Variants in NECTIN1 observed in about 807,000 individuals in gnomAD.
NECTIN1 encodes nectin cell adhesion molecule 1, also known as nectin-1.
NECTIN1 carries 23 observed loss-of-function variants against 48.0 expected under a neutral mutation model. That is an observed-to-expected ratio of 0.48 (90% CI 0.34 to 0.68). NECTIN1 has a LOEUF of 0.68. Ranked by LOEUF, NECTIN1 falls within the 30% of genes least tolerant of loss-of-function variation. NECTIN1 has a pLI of 0.01. For missense variants in NECTIN1, 591 were observed against 709.9 expected (o/e 0.83, Z 1.90); for synonymous variants, 270 against 288.9 (o/e 0.93, Z 0.66).
chr11:119,716,020 T>C (rs1449869538), intron 1 of NECTIN1, among the ~76,000 whole-genome samples: 2 of 152,138 alleles, frequency 1.3e-5, no homozygotes, highest in Non-Finnish European at 2.9e-5. Context: ...TCCAGGGCAG[T>C]GGGATTCCTA....
chr11:119,710,904 A>G (rs991356089), intron 1 of NECTIN1, among the ~76,000 whole-genome samples: 1 of 152,230 alleles, frequency 6.6e-6, no homozygotes, highest in African/African-American at 2.4e-5. Context: ...TCACACACAC[A>G]TAACCGCAGA....
chr11:119,717,748 T>A (rs997860015), intron 1 of NECTIN1, among the ~76,000 whole-genome samples: 4 of 152,106 alleles, frequency 2.6e-5, no homozygotes, highest in Non-Finnish European at 5.9e-5. Flanking sequence ...TGGCTAAGCT[T>A]GGGAGCCCGG....
chr11:119,686,691 A>G (rs149041364), intron 1 of NECTIN1, among the ~76,000 whole-genome samples: 8 of 152,260 alleles, frequency 5.3e-5, no homozygotes, highest in African/African-American at 7.2e-5. Flanking sequence ...CGAAAACCGC[A>G]CCACTCCCCC....
Position 119,665,110 on chromosome 11 carries a change from G to T in NECTIN1, c.1191C>A (p.Gly397=), listed in dbSNP as rs536959088. Residue 397 remains glycine (G), a synonymous_variant, in exon 6 of 6, where the codon GGC becomes GGA. Coordinates refer to ENST00000264025, the MANE Select transcript of NECTIN1 (RefSeq NM_002855.5). The surrounding 1 kb of genome is among the most constrained non-coding windows in gnomAD (Gnocchi z 5.1). ...GGATGCCTGCCTTGCTGTAGCCGTT[G>T]CCATACACGTGCTTCTTGGTGCTGT... ...GDYSTKKHVY[G]NGYSKAGIPQ... is the part of the protein sequence containing the mutation. The T allele has an allele frequency of 6.2e-7, 1 of 1,614,036 alleles. No homozygotes were observed. Among genetic ancestry groups the T allele is most frequent in the Non-Finnish European group, 8.5e-7 (1 of 1,180,002 alleles).
chr11:119,656,768 G>A (rs375944399), downstream of NECTIN1, among the ~76,000 whole-genome samples: 37 of 152,290 alleles, frequency 2.4e-4, 2 homozygotes, highest in African/African-American at 7.9e-4. Flanking sequence ...CTCCCCTTCC[G>A]CCTCTCCCCG....
Position 119,729,165 on chromosome 11 carries a change from CAATGTG to C in NECTIN1, c.-618_-613del. The C allele has an allele frequency of 6.6e-6, 1 of 152,040 alleles. No homozygotes were observed. Among genetic ancestry groups the C allele is most frequent in the Non-Finnish European group, 1.5e-5 (1 of 68,014 alleles). The allele number at this position is 152,040 out of a possible 1,614,324, so 9.4% of individuals were successfully genotyped here. A position where few individuals can be genotyped will look rare whatever the true frequency, so the allele number is the denominator to read the frequency against. ...TCTGCCGGGTGCCGGCGATCCGCAA[CAATGTG>C]GAGCCGCGCTCGCTGCTCTCGCTCT... On this transcript the variant is annotated 5_prime_UTR_variant, in exon 1 of 6. Transcript: ENST00000264025.
downstream of NECTIN1, among the ~76,000 whole-genome samples, chr11:119,657,132 G>A (rs767582880): frequency 6.6e-6 from 1 of 152,168 alleles, no homozygotes; most frequent in Non-Finnish European, 1.5e-5. Context: ...AGTGATGGAT[G>A]ACAACAATAA....
chr11:119,663,547 G>T lies in NECTIN1; in HGVS notation c.*1200C>A. Reference sequence around the variant, plus strand: ...CAATGGCCTTTGTGTGTGAGGCATTGTATGGACTCCTCAGTCCCTCGGACT... The same window carrying T: ...CAATGGCCTTTGTGTGTGAGGCATTTTATGGACTCCTCAGTCCCTCGGACT... On this transcript the variant is annotated 3_prime_UTR_variant, in exon 6 of 6. Transcript: ENST00000264025. 5.1e-6 allele frequency: 5 copies of T among 985,540 alleles called. No homozygotes were observed. Among genetic ancestry groups the T allele is most frequent in the Non-Finnish European group, 6.0e-6 (5 of 829,962 alleles). The allele number at this position is 985,540 out of a possible 1,614,324, so 61.0% of individuals were successfully genotyped here. A position where few individuals can be genotyped will look rare whatever the true frequency, so the allele number is the denominator to read the frequency against.
intron 1 of NECTIN1, among the ~76,000 whole-genome samples, chr11:119,696,197 G>T (rs1388998720): frequency 6.6e-6 from 1 of 152,172 alleles, no homozygotes; most frequent in East Asian, 1.9e-4. Context: ...ACCTGCCTCA[G>T]CTTCCCAAAG....
At chr11:119,701,058 G>A (rs1865442942) in intron 1 of NECTIN1, among the ~76,000 whole-genome samples, 2 of 152,176 alleles carry the variant, frequency 1.3e-5, no homozygotes, top group African/African-American at 4.8e-5. Context: ...GTGCTCAGGA[G>A]GGGAGGCTGG....
chr11:119,700,227 C>T (rs1018057549), intron 1 of NECTIN1, among the ~76,000 whole-genome samples: 14 of 152,146 alleles, frequency 9.2e-5, no homozygotes, highest in African/African-American at 3.4e-4. Context: ...GACCTTTGGT[C>T]TGACACCATT....
chr11:119,693,221 G>A (rs570585920), intron 1 of NECTIN1, among the ~76,000 whole-genome samples: 20 of 151,808 alleles, frequency 1.3e-4, no homozygotes, highest in Non-Finnish European at 1.9e-4. Context: ...CGGGGTGTGT[G>A]TCTCTCTCTC....
chr11:119,709,740 G>A lies in NECTIN1; in HGVS notation c.79+18735C>T, dbSNP rs762546780. ...CAGGGAACAGCTTTATTTTAACTCC[G>A]GGTTTGTGGAGAGAGGGCAGGACGA... On this transcript the variant is annotated intron_variant, in intron 1 of 5. Coordinates refer to ENST00000264025, the MANE Select transcript of NECTIN1 (RefSeq NM_002855.5). This position sits in a 1 kb window ranked among gnomAD's most constrained non-coding sequence, Gnocchi z 4.1. 2.0e-5 allele frequency among the ~76,000 whole-genome samples: 3 copies of A among 152,170 alleles called. No individual in the cohort carries two copies. Among genetic ancestry groups the A allele is most frequent in the Admixed American group, 6.5e-5 (1 of 15,288 alleles).
At position 119,665,355 on chromosome 11, in the gene NECTIN1, G is replaced by A; in HGVS notation, c.1004-58C>T. 3.3e-6 allele frequency: 5 copies of A among 1,511,218 alleles called. No homozygotes were observed. Among genetic ancestry groups the A allele is most frequent in the Non-Finnish European group, 4.4e-6 (5 of 1,134,136 alleles). 93.6% of individuals were successfully genotyped at this position (1,511,218 alleles called of 1,614,324 possible). A position where few individuals can be genotyped will look rare whatever the true frequency, so the allele number is the denominator to read the frequency against. On this transcript the variant is annotated intron_variant, in intron 5 of 5. Transcript: ENST00000264025. This position sits in a 1 kb window ranked among gnomAD's most constrained non-coding sequence, Gnocchi z 5.1. Reference sequence around the variant, plus strand: ...TCAGCGTGTGCTCCTGGGGTGTAGAGGGGGTGGGAGGGAGGCAGGGAAAGG... The same window carrying A: ...TCAGCGTGTGCTCCTGGGGTGTAGAAGGGGTGGGAGGGAGGCAGGGAAAGG...
chr11:119,678,421 C>A lies in NECTIN1; in HGVS notation c.424G>T (p.Val142Leu). 2.5e-6 allele frequency: 4 copies of A among 1,614,110 alleles called. No individual in the cohort carries two copies. Among genetic ancestry groups the A allele is most frequent in the Non-Finnish European group, 3.4e-6 (4 of 1,179,948 alleles). Residue 142 changes from valine to leucine, a missense_variant, in exon 2 of 6, where the codon GTG becomes TTG. By Grantham distance (32) the Val-to-Leu change is conservative. Coordinates refer to ENST00000264025, the MANE Select transcript of NECTIN1 (RefSeq NM_002855.5). This position sits in a 1 kb window ranked among gnomAD's most constrained non-coding sequence, Gnocchi z 4.4. ...GNRESQLNLTVMAKPTNWIEG... is the reference protein window; with the variant it reads ...GNRESQLNLTLMAKPTNWIEG... The stretch of plus-strand genomic sequence containing the variant: ...GGGGCCCAGGGCAGCTTACCCATCA[C>A]CGTGAGATTGAGCTGGCTTTCTCGA...
chr11:119,716,144 T>TG (rs780559071), intron 1 of NECTIN1, among the ~76,000 whole-genome samples: 21 of 151,940 alleles, frequency 1.4e-4, no homozygotes, highest in Admixed American at 3.3e-4. Context: ...TCATCTGGGT[T>TG]GGGGGGGCGG....
intron 1 of NECTIN1, among the ~76,000 whole-genome samples, chr11:119,681,430 C>A (rs1865059719): frequency 6.6e-6 from 1 of 152,232 alleles, no homozygotes; most frequent in African/African-American, 2.4e-5. Context: ...GCCCTCTGAG[C>A]CCCTGCAATC....
At chr11:119,719,130 C>T (rs774574767) in intron 1 of NECTIN1, among the ~76,000 whole-genome samples, 21 of 152,164 alleles carry the variant, frequency 1.4e-4, no homozygotes, top group African/African-American at 3.4e-4. Flanking sequence ...CCAAAAGCTT[C>T]GGATTTTGGA....
At chr11:119,674,091 G>A (rs1235618657) in intron 5 of NECTIN1, among the ~76,000 whole-genome samples, 2 of 152,278 alleles carry the variant, frequency 1.3e-5, no homozygotes, top group South Asian at 2.1e-4. Context: ...TCCCACTCCC[G>A]AGACACTGGC....
Sources: allele counts gnomAD v4.1 joint callset (sites outside exome capture counted in the v4.1 genomes callset), GRCh38; gene constraint gnomAD v4.1.1; non-coding constraint Gnocchi (gnomAD v3.1); transcripts MANE v1.5; gene names NCBI Gene and HGNC (gene_info 2026-07-23, HGNC 2026-07-21).